Variants in SLC26A7 observed in about 807,000 individuals in gnomAD.
SLC26A7 encodes the protein solute carrier family 26 member 7.
In SLC26A7, 59 loss-of-function variants were observed where a neutral mutation model predicts 82.5. The observed-to-expected ratio is 0.72, with a 90% CI of 0.58 to 0.89. The LOEUF is 0.89. Among genes scored for constraint, SLC26A7 ranks in the 40% least tolerant of loss-of-function variants. The probability of loss-of-function intolerance (pLI) is 0.00; values close to 1 mark genes in which losing one functional copy is unlikely to be tolerated. For missense variants in SLC26A7, 820 were observed against 793.0 expected (o/e 1.03, Z -0.41); for synonymous variants, 271 against 274.3 (o/e 0.99, Z 0.12).
rs1554613536 is a variant in SLC26A7, at chr8:91,359,895, T to TGTGC, written c.1315-2457_1315-2456insTGCG. On this transcript the variant is annotated intron_variant, in intron 11 of 18. Coordinates refer to ENST00000276609, the MANE Select transcript of SLC26A7 (RefSeq NM_052832.4). Reference sequence around the variant, plus strand: ...CAAGATATGTGTGTGTGTGTGTGTGTGCGCATGTGTGTGTAAACTAATTTG... The same window carrying TGTGC: ...CAAGATATGTGTGTGTGTGTGTGTGTGTGCGCGCATGTGTGTGTAAACTAATTTG... Among the ~76,000 whole-genome samples the TGTGC allele has an allele frequency of 3.9e-3, 597 of 151,486 alleles. 6 individuals are homozygous for TGTGC. Among genetic ancestry groups the TGTGC allele is most frequent in the African/African-American group, 0.013 (523 of 41,130 alleles).
chr8:91,240,053 G>A (rs1322651588), intron 2 of SLC26A7, among the ~76,000 whole-genome samples: 1 of 152,084 alleles, frequency 6.6e-6, no homozygotes, highest in East Asian at 1.9e-4. Context: ...ATTGTCCTTG[G>A]TACTCTACTT....
At chr8:91,368,915 A>T (rs575810938) in intron 14 of SLC26A7, among the ~76,000 whole-genome samples, 5 of 152,242 alleles carry the variant, frequency 3.3e-5, no homozygotes, top group African/African-American at 4.8e-5. Flanking sequence ...TGTATAGCTG[A>T]TAACTGTAAG....
chr8:91,216,560 T>C (rs1810051541), intron 1 of SLC26A7, among the ~76,000 whole-genome samples: 2 of 152,134 alleles, frequency 1.3e-5, no homozygotes, highest in African/African-American at 4.8e-5. Flanking sequence ...TTATTTTCAA[T>C]AGTTCTTTAA....
At chr8:91,296,988 A>G (rs1812034125) in intron 4 of SLC26A7, among the ~76,000 whole-genome samples, 1 of 152,228 alleles carries the variant, frequency 6.6e-6, no homozygotes, top group Non-Finnish European at 1.5e-5. Flanking sequence ...AAACATGGAT[A>G]TATTGCCTTG....
At chr8:91,219,895 T>C (rs1810130544) in intron 2 of SLC26A7, among the ~76,000 whole-genome samples, 1 of 152,212 alleles carries the variant, frequency 6.6e-6, no homozygotes. Flanking sequence ...GTGAGAAATG[T>C]CATTATAATT....
intron 9 of SLC26A7, 113 bp downstream of exon 9, chr8:91,343,579 AT>A (rs1484618830): frequency 6.7e-5 from 45 of 667,704 alleles, no homozygotes; most frequent in Non-Finnish European, 9.5e-5. Context: ...CACTTATTTA[AT>A]TTTTTTTCTA....
intron 5 of SLC26A7, among the ~76,000 whole-genome samples, chr8:91,320,455 C>A (rs1812760576): frequency 6.6e-6 from 1 of 152,106 alleles, no homozygotes; most frequent in African/African-American, 2.4e-5. Context: ...TACTGTGAGG[C>A]TGTTAGGTGG....
chr8:91,222,615 A>C (rs1285171111), intron 2 of SLC26A7, among the ~76,000 whole-genome samples: 1 of 152,160 alleles, frequency 6.6e-6, no homozygotes, highest in Non-Finnish European at 1.5e-5. Context: ...TGAGATAATC[A>C]TGTGTTTTTT....
intron 9 of SLC26A7, among the ~76,000 whole-genome samples, chr8:91,349,279 A>G (rs892519679): frequency 6.6e-6 from 1 of 152,208 alleles, no homozygotes; most frequent in African/African-American, 2.4e-5. Context: ...ATGACTTACC[A>G]TTTAAGGTAA....
At chr8:91,304,678 T>C (rs1812255305) in intron 4 of SLC26A7, among the ~76,000 whole-genome samples, 1 of 152,244 alleles carries the variant, frequency 6.6e-6, no homozygotes, top group African/African-American at 2.4e-5. Flanking sequence ...ACTGCTGCTA[T>C]GCAGCTTTCT....
At chr8:91,288,462 T>C (rs1490908644) in intron 2 of SLC26A7, among the ~76,000 whole-genome samples, 1 of 152,190 alleles carries the variant, frequency 6.6e-6, no homozygotes, top group Non-Finnish European at 1.5e-5. Context: ...ATGTAGGCAA[T>C]AGTCTTTACA....
At chr8:91,353,104 T>C (rs528492548) in intron 11 of SLC26A7, 108 bp downstream of exon 11, 46 of 672,742 alleles carry the variant, frequency 6.8e-5, no homozygotes, top group Admixed American at 2.7e-4. Context: ...ATTTGAGACT[T>C]GTACACTTTA....
intron 4 of SLC26A7, among the ~76,000 whole-genome samples, chr8:91,311,618 CTCAA>C (rs1445374040): frequency 6.6e-6 from 1 of 152,090 alleles, no homozygotes; most frequent in Non-Finnish European, 1.5e-5. Flanking sequence ...TGAGACAGTT[CTCAA>C]TCAATTTAGA....
chr8:91,250,350 C>T (rs1374654213), intron 2 of SLC26A7, among the ~76,000 whole-genome samples: 1 of 152,076 alleles, frequency 6.6e-6, no homozygotes, highest in African/African-American at 2.4e-5. Flanking sequence ...CCTGTGTGTC[C>T]TGAGAGCTTA....
At chr8:91,362,955 A>G (rs1814091137) in intron 12 of SLC26A7, among the ~76,000 whole-genome samples, 6 of 152,038 alleles carry the variant, frequency 3.9e-5, no homozygotes. Context: ...TAGTCTGACC[A>G]ATTCTTTTTC....
intron 2 of SLC26A7, among the ~76,000 whole-genome samples, chr8:91,264,215 A>G (rs945768726): frequency 3.9e-4 from 60 of 152,224 alleles, no homozygotes; most frequent in African/African-American, 1.4e-3. Context: ...GCTGAGACTC[A>G]TGCATCTACA....
chr8:91,312,292 T>C (rs1487694613), intron 4 of SLC26A7, among the ~76,000 whole-genome samples: 1 of 152,198 alleles, frequency 6.6e-6, no homozygotes, highest in Non-Finnish European at 1.5e-5. Context: ...ATTTCCTTCC[T>C]TTATAAGGTT....
At chr8:91,373,156 G>T (rs914235162) in intron 15 of SLC26A7, among the ~76,000 whole-genome samples, 1 of 151,746 alleles carries the variant, frequency 6.6e-6, no homozygotes, top group Non-Finnish European at 1.5e-5. Flanking sequence ...GTATAGAATT[G>T]TATCATTTGT....
At chr8:91,336,004 C>T (rs13279613) in intron 6 of SLC26A7, among the ~76,000 whole-genome samples, 22,459 of 152,058 alleles carry the variant, frequency 0.15, 2,480 homozygotes, top group African/African-American at 0.31. Context: ...CCAAACACAT[C>T]GCCACTCCAT....
Sources: allele counts gnomAD v4.1 joint callset (sites outside exome capture counted in the v4.1 genomes callset), GRCh38; gene constraint gnomAD v4.1.1; transcripts MANE v1.5; gene names NCBI Gene and HGNC (gene_info 2026-07-23, HGNC 2026-07-21).